The following PAM variants were observed in gnomAD, a reference collection of about 807,000 sequenced individuals.
PAM encodes peptidylglycine alpha-amidating monooxygenase.
A neutral mutation model predicts 122.1 loss-of-function variants in PAM; 72 were observed. The observed-to-expected ratio is 0.59, with a 90% CI of 0.49 to 0.72. The LOEUF (loss-of-function observed/expected upper bound fraction) is 0.72, where lower values mean the gene tolerates loss of function less well. PAM is among the 30% of genes least tolerant of loss of function. The pLI is 0.00. For synonymous variants in PAM, 389 were observed against 404.4 expected (o/e 0.96, Z 0.46); for missense variants, 1,106 against 1,183.7 (o/e 0.93, Z 0.96).
At chr5:103,005,914 T>TTGTTGTTGTTGTTGTTGTTGC (rs1778815482) in intron 18 of PAM, among the ~76,000 whole-genome samples, 1 of 145,274 alleles carries the variant, frequency 6.9e-6, no homozygotes, top group African/African-American at 2.8e-5. Context: ...TAACTTGTTG[T>TTGTTGTTGTTGTTGTTGTTGC]TGTTGTTGTT....
chr5:103,015,061 C>T (rs544561486), intron 21 of PAM, among the ~76,000 whole-genome samples: 108 of 152,310 alleles, frequency 7.1e-4, no homozygotes, highest in African/African-American at 2.6e-3. Flanking sequence ...AATGACAATA[C>T]TTGAGCTGAA....
chr5:102,927,364 G>A (rs1430567438), intron 7 of PAM, among the ~76,000 whole-genome samples: 4 of 152,008 alleles, frequency 2.6e-5, no homozygotes, highest in Admixed American at 1.3e-4. Context: ...AACTGCATTC[G>A]GGTTCACACT....
chr5:102,815,135 C>G (rs537158436), intron 1 of PAM, among the ~76,000 whole-genome samples: 1 of 152,110 alleles, frequency 6.6e-6, no homozygotes, highest in East Asian at 1.9e-4. Context: ...GGGGTCTCCC[C>G]GTCATTTCCC....
At chr5:102,883,119 G>A (rs1268829165) in intron 3 of PAM, among the ~76,000 whole-genome samples, 2 of 151,546 alleles carry the variant, frequency 1.3e-5, no homozygotes, top group African/African-American at 4.8e-5. Context: ...TGGTGAGTAC[G>A]GCCTCATAGT....
At chr5:102,756,183 G>C (rs75713630) in intron 1 of PAM, among the ~76,000 whole-genome samples, 4,372 of 152,238 alleles carry the variant, frequency 0.029, 110 homozygotes, top group East Asian at 0.14. Context: ...CTCTTGTCTC[G>C]TGCAGCTGCC....
At chr5:102,846,505 C>G (rs1341114855) in intron 1 of PAM, among the ~76,000 whole-genome samples, 1 of 152,150 alleles carries the variant, frequency 6.6e-6, no homozygotes, top group Non-Finnish European at 1.5e-5. Context: ...TGGTAAACAC[C>G]TGGTGGTTAG....
chr5:102,877,808 G>T (rs1418031658), intron 3 of PAM, among the ~76,000 whole-genome samples: 4 of 152,062 alleles, frequency 2.6e-5, no homozygotes, highest in African/African-American at 9.7e-5. Flanking sequence ...CAGGAGGATT[G>T]CATGAGGCCA....
chr5:102,945,436 A>G (rs1033555666), intron 7 of PAM, among the ~76,000 whole-genome samples: 2 of 151,836 alleles, frequency 1.3e-5, no homozygotes, highest in South Asian at 2.1e-4. Context: ...ATGTAAATCT[A>G]TAGTTCATAT....
chr5:102,872,046 T>A (rs968468790), intron 3 of PAM, among the ~76,000 whole-genome samples: 1 of 152,176 alleles, frequency 6.6e-6, no homozygotes, highest in African/African-American at 2.4e-5. Context: ...GAAGATGTTT[T>A]AGGCTGTCAT....
At chr5:102,787,656 G>A (rs997651523) in intron 1 of PAM, among the ~76,000 whole-genome samples, 1 of 151,956 alleles carries the variant, frequency 6.6e-6, no homozygotes, top group Admixed American at 6.6e-5. Flanking sequence ...CTATTGTGCA[G>A]CTCTTAGCAA....
At chr5:102,880,587 GAGA>G (rs1327752942) in intron 3 of PAM, among the ~76,000 whole-genome samples, 2 of 152,056 alleles carry the variant, frequency 1.3e-5, no homozygotes, top group East Asian at 1.9e-4. Context: ...CTGGAACAAG[GAGA>G]AGATCAAACC....
At chr5:102,913,103 C>T (rs909438903) in intron 4 of PAM, among the ~76,000 whole-genome samples, 4 of 151,894 alleles carry the variant, frequency 2.6e-5, no homozygotes, top group Non-Finnish European at 4.4e-5. Flanking sequence ...CATTTTGGGG[C>T]TATTTAGCAT....
chr5:102,887,402 C>T (rs530182538), intron 3 of PAM, among the ~76,000 whole-genome samples: 45 of 151,998 alleles, frequency 3.0e-4, no homozygotes, highest in African/African-American at 9.9e-4. Context: ...ATGCAGCTAC[C>T]GAATCTTGAT....
At chr5:102,805,783 C>G (rs180903066) in intron 1 of PAM, among the ~76,000 whole-genome samples, 1 of 152,318 alleles carries the variant, frequency 6.6e-6, no homozygotes, top group East Asian at 1.9e-4. Context: ...GTACAAGACA[C>G]TGTGACAGTG....
At chr5:102,776,030 A>G (rs1005343103) in intron 1 of PAM, among the ~76,000 whole-genome samples, 16 of 152,122 alleles carry the variant, frequency 1.1e-4, no homozygotes, top group African/African-American at 3.6e-4. Context: ...AATAATCACC[A>G]TTCTGACTGG....
rs1862226 is a variant in PAM, at chr5:102,826,829, G to A, written c.-373-38994G>A. Among the ~76,000 whole-genome samples, 1,287 of 152,234 alleles carry A rather than the reference G, an allele frequency of 8.5e-3. 16 individuals are homozygous for A. The highest frequency in any genetic ancestry group is 0.03 in the African/African-American group (1,245 of 41,544). ...GGAAGTTCAAAGACTTTAACAGGAAGTATTCAGTCTTGAGGAAGTAAAAAT... is the reference window on the plus strand; with the variant it reads ...GGAAGTTCAAAGACTTTAACAGGAAATATTCAGTCTTGAGGAAGTAAAAAT... On this transcript the variant is annotated intron_variant, in intron 1 of 25. Transcript: ENST00000438793.
intron 15 of PAM, among the ~76,000 whole-genome samples, chr5:102,989,329 T>A (rs986398301): frequency 2.0e-5 from 3 of 152,178 alleles, no homozygotes; most frequent in Non-Finnish European, 2.9e-5. Context: ...CACAGTGAGA[T>A]GCCATCTCTC....
At chr5:102,803,549 A>G (rs1406305825) in intron 1 of PAM, among the ~76,000 whole-genome samples, 1 of 152,084 alleles carries the variant, frequency 6.6e-6, no homozygotes, top group Non-Finnish European at 1.5e-5. Context: ...TGAGGAGCAG[A>G]TTGGGGCATC....
intron 1 of PAM, among the ~76,000 whole-genome samples, chr5:102,848,651 C>T (rs1780570771): frequency 6.6e-6 from 1 of 152,120 alleles, no homozygotes; most frequent in Admixed American, 6.5e-5. Flanking sequence ...GAAAAGAACT[C>T]AGCTGAAACA....
Sources: allele counts gnomAD v4.1 joint callset (sites outside exome capture counted in the v4.1 genomes callset), GRCh38; gene constraint gnomAD v4.1.1; transcripts MANE v1.5; gene names NCBI Gene and HGNC (gene_info 2026-07-23, HGNC 2026-07-21).